Variants in KIT observed in about 807,000 individuals in gnomAD.
KIT encodes the protein mast/stem cell growth factor receptor Kit.
KIT carries 16 observed loss-of-function variants against 105.7 expected under a neutral mutation model. The ratio of observed to expected loss-of-function variants is 0.15; its 90% CI spans 0.10 to 0.23. The LOEUF is 0.23. KIT is among the 10% of genes least tolerant of loss of function. KIT has a pLI of 1.00. For synonymous variants in KIT, 438 were observed against 441.1 expected (o/e 0.99, Z 0.09); for missense variants, 858 against 1,213.8 (o/e 0.71, Z 4.36).
At chr4:54,734,423 C>CATA (rs1722794938) in intron 17 of KIT, among the ~76,000 whole-genome samples, 1 of 152,150 alleles carries the variant, frequency 6.6e-6, no homozygotes, top group Non-Finnish European at 1.5e-5. Context: ...TATGACAGTG[C>CATA]CAGACATATT....
rs1331885453 is a variant in KIT, at chr4:54,725,965, C to T, written c.1455C>T (p.His485=). Residue 485 remains histidine (H), a synonymous_variant, in exon 9 of 21, where the codon CAC becomes CAT. Coordinates refer to ENST00000288135, the MANE Select transcript of KIT (RefSeq NM_000222.3). Reference sequence around the variant, plus strand: ...CTATAGATTCTAGTGCATTCAAGCACAATGGCACGGTTGAATGTAAGGCTT... The same window carrying T: ...CTATAGATTCTAGTGCATTCAAGCATAATGGCACGGTTGAATGTAAGGCTT... The part of the protein sequence containing the change: ...QSSIDSSAFK[H]NGTVECKAYN... The T allele has an allele frequency of 1.2e-6, 2 of 1,614,110 alleles. No individual in the cohort carries two copies. Among genetic ancestry groups the T allele is most frequent in the African/African-American group, 1.3e-5 (1 of 75,046 alleles).
At chr4:54,719,545 T>C (rs1721726609) in intron 7 of KIT, among the ~76,000 whole-genome samples, 1 of 146,104 alleles carries the variant, frequency 6.8e-6, no homozygotes, top group Admixed American at 7.0e-5. Flanking sequence ...CTCAGGTCCA[T>C]GATGTTTTTA....
chr4:54,659,550 C>A (rs899522708), intron 1 of KIT, among the ~76,000 whole-genome samples: 30 of 152,140 alleles, frequency 2.0e-4, no homozygotes, highest in Admixed American at 6.5e-5. Context: ...CAGTCTGCAG[C>A]GTCCTGGACT....
At position 54,731,962 on chromosome 4, in the gene KIT, G is replaced by A. The variant is rs1285926777; in HGVS notation, c.2325G>A (p.Gln775=). Residue 775 remains glutamine, a synonymous_variant, in exon 16 of 21, where the codon CAG becomes CAA. Transcript: ENST00000288135. ...DLEDLLSFSY[Q]VAKGMAFLAS... is the part of the protein sequence containing the mutation. ...AAGACTTGCTGAGCTTTTCTTACCAGGTGGCAAAGGGCATGGCTTTCCTCG... is the reference window on the plus strand; with the variant it reads ...AAGACTTGCTGAGCTTTTCTTACCAAGTGGCAAAGGGCATGGCTTTCCTCG... 1.9e-6 allele frequency: 3 copies of A among 1,613,660 alleles called. No homozygotes were observed. In the South Asian group the frequency reaches 3.3e-5, roughly 18 times the overall value.
chr4:54,667,951 T>A (rs1358180436), intron 1 of KIT, among the ~76,000 whole-genome samples: 3 of 152,196 alleles, frequency 2.0e-5, no homozygotes, highest in Non-Finnish European at 4.4e-5. Context: ...TAGCCAAGAT[T>A]AGAGATTTTG....
At chr4:54,662,592 A>G (rs1040276032) in intron 1 of KIT, among the ~76,000 whole-genome samples, 5 of 152,194 alleles carry the variant, frequency 3.3e-5, no homozygotes, top group African/African-American at 1.2e-4. Context: ...TTTGTTTTAA[A>G]GACAGTATCT....
intron 7 of KIT, among the ~76,000 whole-genome samples, chr4:54,718,428 A>T (rs1422188905): frequency 6.6e-6 from 1 of 152,166 alleles, no homozygotes; most frequent in Non-Finnish European, 1.5e-5. Flanking sequence ...TATTGAATTT[A>T]TTTCTGATTA....
In KIT at chr4:54,662,351, A is replaced by C. The variant is rs527368522; in HGVS notation, c.67+4270A>C. On this transcript the variant is annotated intron_variant, in intron 1 of 20. Coordinates refer to ENST00000288135, the MANE Select transcript of KIT (RefSeq NM_000222.3). ...TTTTTGAGCTTTCATTGTCCATCCTAGTTTTGCCACTTATTAGCTCTGTGA... is the reference window on the plus strand; with the variant it reads ...TTTTTGAGCTTTCATTGTCCATCCTCGTTTTGCCACTTATTAGCTCTGTGA... Among the ~76,000 whole-genome samples, 114 of 152,250 alleles carry C rather than the reference A, an allele frequency of 7.5e-4. 1 individual carries two copies. Among genetic ancestry groups the C allele is most frequent in the African/African-American group, 2.6e-3 (110 of 41,534 alleles).
Position 54,731,900 on chromosome 4 carries a change from G to T in KIT, c.2263G>T (p.Ala755Ser), listed in dbSNP as rs201165084. 6.2e-7 allele frequency: 1 copy of T among 1,613,486 alleles called. No individual in the cohort carries two copies. Among genetic ancestry groups the T allele is most frequent in the Non-Finnish European group, 8.5e-7 (1 of 1,179,592 alleles). The change falls in exon 16 of 21, where the codon GCC becomes TCC. Residue 755 changes from alanine (A) to serine (S), a missense_variant. Physicochemically the swap from Ala to Ser is moderately conservative, Grantham distance 99. Around this residue, in one of 7 missense-constraint regions of KIT, gnomAD observed 158 missense variants for 218.7 expected, o/e 0.72. Coordinates refer to ENST00000288135, the MANE Select transcript of KIT (RefSeq NM_000222.3). The part of the protein sequence containing the change: ...GSYIERDVTP[A>S]IMEDDELALD... ...ATACATAGAAAGAGATGTGACTCCC[G>T]CCATCATGGAGGATGACGAGTTGGC...
At chr4:54,685,883 C>T (rs1008228500) in intron 1 of KIT, among the ~76,000 whole-genome samples, 4 of 152,244 alleles carry the variant, frequency 2.6e-5, no homozygotes, top group Non-Finnish European at 4.4e-5. Context: ...GCCTTCTCCA[C>T]TTGCCCACTG....
intron 1 of KIT, among the ~76,000 whole-genome samples, chr4:54,674,384 C>T (rs1225067142): frequency 6.6e-6 from 1 of 152,204 alleles, no homozygotes; most frequent in Non-Finnish European, 1.5e-5. Flanking sequence ...CTCAGGATGA[C>T]CCTCTGAGCT....
At chr4:54,697,703 A>G (rs907555853) in intron 2 of KIT, among the ~76,000 whole-genome samples, 1 of 152,194 alleles carries the variant, frequency 6.6e-6, no homozygotes, top group African/African-American at 2.4e-5. Context: ...AGACTCACCT[A>G]TCATGGGTAC....
chr4:54,693,432 G>A (rs1719849087), intron 1 of KIT, among the ~76,000 whole-genome samples: 1 of 152,048 alleles, frequency 6.6e-6, no homozygotes, highest in African/African-American at 2.4e-5. Flanking sequence ...ATCAATGCTT[G>A]GTTGGTTCCT....
chr4:54,736,859 C>T lies in KIT; in HGVS notation c.2696+39C>T, dbSNP rs753283143. 2.0e-6 allele frequency: 3 copies of T among 1,495,672 alleles called. No homozygotes were observed. The East Asian group carries it at 6.8e-5, about 34-fold the overall frequency. The allele number at this position is 1,495,672 out of a possible 1,614,324, so 92.7% of individuals were successfully genotyped here. A position where few individuals can be genotyped will look rare whatever the true frequency, so the allele number is the denominator to read the frequency against. On this transcript the variant is annotated intron_variant, in intron 19 of 20. Transcript: ENST00000288135. ...AATTTTTCCTTTAGGTCACGTTTTCCCTTTTATTTTTCTTTTTAGAGACAG... is the reference window on the plus strand; with the variant it reads ...AATTTTTCCTTTAGGTCACGTTTTCTCTTTTATTTTTCTTTTTAGAGACAG...
chr4:54,660,422 AATT>A (rs1434664478), intron 1 of KIT, among the ~76,000 whole-genome samples: 6 of 152,148 alleles, frequency 3.9e-5, no homozygotes, highest in Non-Finnish European at 5.9e-5. Flanking sequence ...AGGCACTCTA[AATT>A]ATTATCCTGC....
At chr4:54,665,785 G>A (rs1717644892) in intron 1 of KIT, among the ~76,000 whole-genome samples, 1 of 152,112 alleles carries the variant, frequency 6.6e-6, no homozygotes, top group African/African-American at 2.4e-5. Context: ...TCACAGACAT[G>A]GAGGGAAGAC....
intron 17 of KIT, among the ~76,000 whole-genome samples, chr4:54,735,118 G>GTATC (rs1722848199): frequency 6.6e-6 from 1 of 152,108 alleles, no homozygotes. Flanking sequence ...CAAAGTCACA[G>GTATC]GTACAGCTGA....
intron 14 of KIT, 53 bp from the exon 15 acceptor site, chr4:54,731,275 G>T (rs1722575252): frequency 1.7e-6 from 2 of 1,204,388 alleles, no homozygotes; most frequent in South Asian, 2.4e-5. Context: ...ACCCATGAGT[G>T]CCCTTCTACA....
At chr4:54,668,638 A>T (rs1300274036) in intron 1 of KIT, among the ~76,000 whole-genome samples, 1 of 152,240 alleles carries the variant, frequency 6.6e-6, no homozygotes, top group Non-Finnish European at 1.5e-5. Flanking sequence ...TTGGAAAAGA[A>T]GTATTTCTAG....
Sources: allele counts gnomAD v4.1 joint callset (sites outside exome capture counted in the v4.1 genomes callset), GRCh38; gene constraint gnomAD v4.1.1; regional missense constraint gnomAD v4.1.1; transcripts MANE v1.5; gene names NCBI Gene and HGNC (gene_info 2026-07-23, HGNC 2026-07-21).